Variants in ATP2C1 observed in about 807,000 individuals in gnomAD.
ATP2C1 encodes ATPase secretory pathway Ca2+ transporting 1.
A neutral mutation model predicts 120.5 loss-of-function variants in ATP2C1; 31 were observed. The observed-to-expected ratio is 0.26, with a 90% CI of 0.19 to 0.35. ATP2C1 has a LOEUF of 0.35. Ranked by LOEUF, ATP2C1 falls within the 10% of genes least tolerant of loss-of-function variation. The pLI, the probability that ATP2C1 is intolerant of heterozygous loss-of-function variation, is 1.00. For synonymous variants in ATP2C1, 351 were observed against 358.7 expected, an observed-to-expected ratio of 0.98 and a Z score of 0.24; for missense variants, 731 against 1,107.5, an observed-to-expected ratio of 0.66 and a Z score of 4.83.
At chr3:130,913,657 A>T (rs2058550356) in intron 2 of ATP2C1, among the ~76,000 whole-genome samples, 1 of 152,180 alleles carries the variant, frequency 6.6e-6, no homozygotes, top group Non-Finnish European at 1.5e-5. Context: ...TGGAAGGATG[A>T]AAAGATTCTT....
intron 19 of ATP2C1, among the ~76,000 whole-genome samples, chr3:130,979,701 A>C (rs1318141489): frequency 1.3e-5 from 2 of 152,170 alleles, no homozygotes; most frequent in Admixed American, 6.6e-5. Flanking sequence ...ATGACAGAGT[A>C]AAAGCACTAG....
intron 1 of ATP2C1, among the ~76,000 whole-genome samples, chr3:130,865,740 T>C (rs1396574255): frequency 6.6e-6 from 1 of 152,212 alleles, no homozygotes; most frequent in Non-Finnish European, 1.5e-5. Context: ...TGCCTTTCAC[T>C]TCCCGCCATG....
intron 20 of ATP2C1, among the ~76,000 whole-genome samples, chr3:130,985,988 G>C (rs1163272558): frequency 6.6e-6 from 1 of 152,044 alleles, no homozygotes; most frequent in Non-Finnish European, 1.5e-5. Context: ...CAGGAGTTTA[G>C]ACTTTAGGGA....
At chr3:130,853,428 C>T (rs1052629191) in intron 1 of ATP2C1, among the ~76,000 whole-genome samples, 1 of 152,226 alleles carries the variant, frequency 6.6e-6, no homozygotes, top group African/African-American at 2.4e-5. Flanking sequence ...TTAAAATCTT[C>T]TCCCACCTCA....
chr3:130,989,336 G>C (rs1482445638), intron 20 of ATP2C1, among the ~76,000 whole-genome samples: 1 of 151,550 alleles, frequency 6.6e-6, no homozygotes, highest in East Asian at 1.9e-4. Context: ...AGGCCAAGGT[G>C]GGCAGATCAT....
At chr3:131,000,675 G>T (rs1170159681) in intron 27 of ATP2C1, among the ~76,000 whole-genome samples, 4 of 152,162 alleles carry the variant, frequency 2.6e-5, no homozygotes, top group Admixed American at 2.6e-4. Flanking sequence ...AGAGGACTTG[G>T]GTTCTAATTC....
chr3:130,869,915 A>C, intron 1 of ATP2C1, among the ~76,000 whole-genome samples: 1 of 152,238 alleles, frequency 6.6e-6, no homozygotes, highest in African/African-American at 2.4e-5. Context: ...TCATTGATGA[A>C]GGTGGCTATA....
intron 20 of ATP2C1, among the ~76,000 whole-genome samples, chr3:130,989,818 T>C (rs1287653406): frequency 6.6e-6 from 1 of 152,250 alleles, no homozygotes; most frequent in African/African-American, 2.4e-5. Context: ...ACTTGTTATA[T>C]TTCAGTGCTG....
chr3:130,895,617 A>G (rs2069550915), intron 2 of ATP2C1, among the ~76,000 whole-genome samples: 1 of 152,176 alleles, frequency 6.6e-6, no homozygotes, highest in African/African-American at 2.4e-5. Flanking sequence ...TATAAAAGAT[A>G]CTTAACAAAT....
chr3:130,860,837 C>A (rs1185899160), intron 1 of ATP2C1, among the ~76,000 whole-genome samples: 2 of 152,176 alleles, frequency 1.3e-5, no homozygotes, highest in Non-Finnish European at 1.5e-5. Flanking sequence ...GAAAATAAAA[C>A]CATCATAACT....
chr3:130,923,807 A>G (rs2059074947), intron 2 of ATP2C1, among the ~76,000 whole-genome samples: 1 of 147,790 alleles, frequency 6.8e-6, no homozygotes, highest in African/African-American at 2.5e-5. Context: ...TGAAGGTTGT[A>G]GGGAGTCTAG....
At chr3:130,948,090 C>T (rs757780213) in intron 8 of ATP2C1, among the ~76,000 whole-genome samples, 15 of 152,244 alleles carry the variant, frequency 9.9e-5, no homozygotes, top group Non-Finnish European at 1.6e-4. Flanking sequence ...ACAGGAGTCA[C>T]GAACTCAACA....
chr3:130,955,121 T>C, intron 10 of ATP2C1, 41 bp downstream of exon 10: 1 of 1,331,734 alleles, frequency 7.5e-7, no homozygotes, highest in East Asian at 2.3e-5. Context: ...GTTCCAAATC[T>C]GAAATTCTTC....
Position 130,894,467 on chromosome 3 carries a change from G to A in ATP2C1, c.-180-123G>A, listed in dbSNP as rs965864854. The A allele has an allele frequency of 3.7e-6, 5 of 1,350,322 alleles. No homozygotes were observed. The highest frequency in any genetic ancestry group is 1.9e-6 in the Non-Finnish European group (2 of 1,047,958). 83.6% of individuals were successfully genotyped at this position (1,350,322 alleles called of 1,614,324 possible). ...CGCCCCGCTGGCGTGAGCTGGGGAC[G>A]TTGCGGGCACACGACGGGGCGGGTG... is the stretch of plus-strand genomic sequence containing the variant. On this transcript the variant is annotated intron_variant, in intron 1 of 27. Coordinates refer to ENST00000510168, the MANE Select transcript of ATP2C1 (RefSeq NM_001378687.1). The surrounding 1 kb of genome is among the most constrained non-coding windows in gnomAD (Gnocchi z 4.5).
chr3:130,948,469 T>G (rs1201614775), intron 8 of ATP2C1, among the ~76,000 whole-genome samples: 1 of 152,164 alleles, frequency 6.6e-6, no homozygotes, highest in Non-Finnish European at 1.5e-5. Context: ...GTTTTCAAGA[T>G]TCTGTCTTTA....
intron 27 of ATP2C1, 111 bp from the exon 28 acceptor site, chr3:131,001,104 GAAAAA>G (rs11403338): frequency 1.4e-4 from 48 of 340,840 alleles, no homozygotes; most frequent in Middle Eastern, 1.1e-3. Context: ...CTTCATCTCA[GAAAAA>G]AAAAAAAAAA....
intron 10 of ATP2C1, 71 bp from the exon 11 acceptor site, chr3:130,956,033 A>T (rs1378321288): frequency 9.6e-7 from 1 of 1,036,756 alleles, no homozygotes; most frequent in Non-Finnish European, 1.5e-6. Flanking sequence ...AGCACTTAGC[A>T]AGCCCCTGGC....
intron 18 of ATP2C1, among the ~76,000 whole-genome samples, chr3:130,976,032 CG>C (rs1389435457): frequency 6.6e-6 from 1 of 152,036 alleles, no homozygotes; most frequent in Non-Finnish European, 1.5e-5. Context: ...GTGTAAGACT[CG>C]GGGGTTGGTG....
Position 130,967,022 on chromosome 3 carries a change from CTT to C in ATP2C1, c.1123-120_1123-119del. 3 of 800,402 alleles carry C rather than the reference CTT, an allele frequency of 3.7e-6. No individual in the cohort carries two copies. The East Asian group carries it at 7.4e-5, about 20-fold the overall frequency. The allele number at this position is 800,402 out of a possible 1,614,324, so 49.6% of individuals were successfully genotyped here. A position where few individuals can be genotyped will look rare whatever the true frequency, so the allele number is the denominator to read the frequency against. ...ATTTTAATGCTTTTCTAGGTGAACACTTTTAACAGTGTCATTATAAATAAAAT... is the reference window on the plus strand; with the variant it reads ...ATTTTAATGCTTTTCTAGGTGAACACTTAACAGTGTCATTATAAATAAAAT... On this transcript the variant is annotated intron_variant, in intron 14 of 27. Coordinates refer to ENST00000510168, the MANE Select transcript of ATP2C1 (RefSeq NM_001378687.1).
Sources: allele counts gnomAD v4.1 joint callset (sites outside exome capture counted in the v4.1 genomes callset), GRCh38; gene constraint gnomAD v4.1.1; non-coding constraint Gnocchi (gnomAD v3.1); transcripts MANE v1.5; gene names NCBI Gene and HGNC (gene_info 2026-07-23, HGNC 2026-07-21).